SMC1B: variants seen among roughly 807,000 people sequenced by gnomAD.
SMC1B encodes the protein structural maintenance of chromosomes 1B, also known as structural maintenance of chromosomes protein 1B.
A neutral mutation model predicts 157.9 loss-of-function variants in SMC1B; 60 were observed. That is an observed-to-expected ratio of 0.38 (90% CI 0.31 to 0.47). The LOEUF (loss-of-function observed/expected upper bound fraction) is 0.47, where lower values mean the gene tolerates loss of function less well. SMC1B is among the 20% of genes least tolerant of loss of function. The pLI, the probability that SMC1B is intolerant of heterozygous loss-of-function variation, is 0.99. For synonymous variants in SMC1B, 445 were observed against 483.0 expected (o/e 0.92, Z 1.03); for missense variants, 1,165 against 1,426.2 (o/e 0.82, Z 2.95).
At chr22:45,380,960 CT>C (rs530026478) in intron 12 of SMC1B, among the ~76,000 whole-genome samples, 2,037 of 136,898 alleles carry the variant, frequency 0.015, 23 homozygotes, top group Middle Eastern at 0.051. Flanking sequence ...AAAAGAAGTA[CT>C]TTTTTTTTTT....
chr22:45,372,360 C>T (rs1431146987), intron 12 of SMC1B, 68 bp from the exon 13 acceptor site: 12 of 1,349,554 alleles, frequency 8.9e-6, no homozygotes, highest in Admixed American at 2.4e-5. Flanking sequence ...AAAGTGCTTT[C>T]ATATGTAATA....
At chr22:45,384,545 C>T in intron 11 of SMC1B, among the ~76,000 whole-genome samples, 1 of 151,822 alleles carries the variant, frequency 6.6e-6, no homozygotes, top group Non-Finnish European at 1.5e-5. Flanking sequence ...CATGGTGAAA[C>T]CTCATCTCTA....
intron 1 of SMC1B, among the ~76,000 whole-genome samples, chr22:45,409,392 CCT>C (rs1027954222): frequency 5.9e-5 from 9 of 151,796 alleles, no homozygotes; most frequent in South Asian, 4.2e-4. Context: ...GGTGAAGCCC[CCT>C]CTCTACCAAA....
At position 45,396,336 on chromosome 22, in the gene SMC1B, C is replaced by T. The variant is rs2087123480; in HGVS notation, c.1254+10G>A. 1.2e-6 allele frequency: 2 copies of T among 1,606,638 alleles called. No individual in the cohort carries two copies. The highest frequency in any genetic ancestry group is 2.7e-5 in the African/African-American group (2 of 74,436). ...ATGATTCTAAATCATTACTGTACAA[C>T]CCAAGACACCTGAACTTCTCCATGC... On this transcript the variant is annotated intron_variant, in intron 7 of 24. Transcript: ENST00000357450.
chr22:45,352,299 C>T (rs978200703), intron 22 of SMC1B, 152 bp downstream of exon 22: 3 of 675,024 alleles, frequency 4.4e-6, no homozygotes, highest in Non-Finnish European at 6.6e-6. Flanking sequence ...TGTTGTAGGC[C>T]TAAAACATAA....
At chr22:45,381,191 C>A (rs2086933428) in intron 12 of SMC1B, among the ~76,000 whole-genome samples, 1 of 152,008 alleles carries the variant, frequency 6.6e-6, no homozygotes, top group Admixed American at 6.6e-5. Context: ...TGCTCCATTA[C>A]TTTTTTTGTT....
chr22:45,369,811 T>C (rs1308008700), intron 15 of SMC1B, 143 bp downstream of exon 15: 1 of 532,426 alleles, frequency 1.9e-6, no homozygotes, highest in African/African-American at 2.0e-5. Flanking sequence ...CCCAAAGTGC[T>C]GGGATTACAA....
In SMC1B at chr22:45,413,526, C is replaced by G. The variant is rs1370666993; in HGVS notation, c.42G>C (p.Ser14=). The change falls in exon 1 of 25, where the codon TCG becomes TCC. Residue 14 remains serine, a synonymous_variant. Coordinates refer to ENST00000357450, the MANE Select transcript of SMC1B (RefSeq NM_148674.5). ...LELLLVENFK[S]WRGRQVIGPF... ...GGCCAATGACCTGGCGGCCCCGCCACGACTTGAAATTTTCCACAAGCAGCA... is the reference window on the plus strand; with the variant it reads ...GGCCAATGACCTGGCGGCCCCGCCAGGACTTGAAATTTTCCACAAGCAGCA... The G allele has an allele frequency of 1.2e-6, 2 of 1,612,470 alleles. No individual in the cohort carries two copies. The highest frequency in any genetic ancestry group is 2.2e-5 in the East Asian group (1 of 44,784).
intron 10 of SMC1B, among the ~76,000 whole-genome samples, chr22:45,388,454 T>C (rs2087014707): frequency 6.6e-6 from 1 of 152,126 alleles, no homozygotes; most frequent in Non-Finnish European, 1.5e-5. Flanking sequence ...AATAGGATTC[T>C]AACAGACAGA....
intron 5 of SMC1B, among the ~76,000 whole-genome samples, chr22:45,400,547 GAC>G (rs1258250908): frequency 2.6e-5 from 4 of 152,134 alleles, no homozygotes; most frequent in Non-Finnish European, 5.9e-5. Flanking sequence ...ATTAAGTAGA[GAC>G]AAATCTGTGC....
At chr22:45,355,243 C>G in intron 19 of SMC1B, 128 bp from the exon 20 acceptor site, 2 of 854,060 alleles carry the variant, frequency 2.3e-6, no homozygotes, top group Non-Finnish European at 3.7e-6. Context: ...CCCCAAAGCC[C>G]TCTCTGAGCC....
At chr22:45,413,283 A>T (rs964019112) in intron 1 of SMC1B, among the ~76,000 whole-genome samples, 176 bp downstream of exon 1, 17 of 151,910 alleles carry the variant, frequency 1.1e-4, no homozygotes, top group Admixed American at 3.3e-4. Flanking sequence ...AGGTGGGGTG[A>T]TGGGCAGGGG....
At chr22:45,384,947 T>C (rs921404935) in intron 11 of SMC1B, among the ~76,000 whole-genome samples, 3 of 152,188 alleles carry the variant, frequency 2.0e-5, no homozygotes, top group African/African-American at 7.2e-5. Flanking sequence ...TTTTCACAAA[T>C]TTTCCAGCTA....
At chr22:45,389,969 T>A in intron 9 of SMC1B, 72 bp from the exon 10 acceptor site, 1 of 1,284,992 alleles carries the variant, frequency 7.8e-7, no homozygotes, top group Non-Finnish European at 1.1e-6. Context: ...TATTTTCTAA[T>A]GTAACAAAGT....
chr22:45,390,202 T>G (rs992790699), intron 9 of SMC1B, among the ~76,000 whole-genome samples: 1 of 151,822 alleles, frequency 6.6e-6, no homozygotes, highest in Non-Finnish European at 1.5e-5. Flanking sequence ...TAAACAAGAA[T>G]CTATAAGGGA....
At chr22:45,387,404 C>A (rs751809549) in intron 10 of SMC1B, among the ~76,000 whole-genome samples, 3 of 152,036 alleles carry the variant, frequency 2.0e-5, no homozygotes, top group Admixed American at 2.0e-4. Flanking sequence ...GAGCTGAGAT[C>A]GCGCTACTGC....
chr22:45,397,223 A>G (rs1369358429), intron 6 of SMC1B, among the ~76,000 whole-genome samples: 1 of 152,146 alleles, frequency 6.6e-6, no homozygotes, highest in African/African-American at 2.4e-5. Context: ...CTCTATTTTA[A>G]ACAGTCTTTT....
At chr22:45,410,547 C>G (rs935796794) in intron 1 of SMC1B, among the ~76,000 whole-genome samples, 3 of 151,890 alleles carry the variant, frequency 2.0e-5, no homozygotes, top group Non-Finnish European at 2.9e-5. Context: ...TACTAAAATA[C>G]AAAAAATTAG....
Position 45,362,993 on chromosome 22 carries a change from A to G in SMC1B, c.2454T>C (p.Asn818=). 1 of 1,592,646 alleles carries G rather than the reference A, an allele frequency of 6.3e-7. No homozygotes were observed. Among genetic ancestry groups the G allele is most frequent in the Non-Finnish European group, 8.5e-7 (1 of 1,173,500 alleles). ...GACTGCGACTATACTCAAGTTGAAC[A>G]TTAAGCCGAGTTTTTTGTTTTTCAA... ...LEFEKQKTRL[N]VQLEYSRSHL... is the part of the protein sequence containing the mutation. The change falls in exon 16 of 25, where the codon AAT becomes AAC. Residue 818 remains asparagine, a synonymous_variant. Transcript: ENST00000357450.
Sources: gnomAD v4.1 joint callset for allele counts (sites outside exome capture counted in the v4.1 genomes callset) on GRCh38, gnomAD v4.1.1 for gene constraint, MANE v1.5 for transcripts, NCBI Gene and HGNC (gene_info 2026-07-23, HGNC 2026-07-21) for gene names.